SDK1: variants seen among roughly 807,000 people sequenced by gnomAD.
The protein encoded by SDK1 is sidekick cell adhesion molecule 1, also known as protein sidekick-1.
SDK1 carries 157 observed loss-of-function variants against 245.5 expected under a neutral mutation model. That is an observed-to-expected ratio of 0.64 (90% confidence interval 0.56 to 0.73). SDK1 has a LOEUF of 0.73. SDK1 is among the 30% of genes least tolerant of loss of function. SDK1 has a pLI of 0.00. For synonymous variants in SDK1, 1,647 were observed against 1,278.5 expected (o/e 1.29, Z -6.15); for missense variants, 3,583 against 3,002.3 (o/e 1.19, Z -4.52).
At chr7:3,715,082 G>A (rs182544224) in intron 4 of SDK1, among the ~76,000 whole-genome samples, 1 of 152,076 alleles carries the variant, frequency 6.6e-6, no homozygotes, top group African/African-American at 2.4e-5. Context: ...CTTAAAATCT[G>A]TTAAATGCTA....
intron 4 of SDK1, among the ~76,000 whole-genome samples, chr7:3,655,501 A>ATATG (rs1283673481): frequency 0.079 from 4,027 of 51,246 alleles, 186 homozygotes; most frequent in East Asian, 0.11. Flanking sequence ...ATATATATAT[A>ATATG]TATGTATGTA....
At chr7:3,777,286 A>T (rs1780595496) in intron 4 of SDK1, among the ~76,000 whole-genome samples, 1 of 152,196 alleles carries the variant, frequency 6.6e-6, no homozygotes, top group Non-Finnish European at 1.5e-5. Flanking sequence ...GCAGTGCACT[A>T]ATTTGCCCTT....
intron 1 of SDK1, among the ~76,000 whole-genome samples, chr7:3,555,600 G>T (rs1044375936): frequency 6.6e-6 from 1 of 152,110 alleles, no homozygotes. Context: ...AAAAGCTTCT[G>T]CACAGCAAAG....
chr7:3,381,981 T>A (rs934327430), intron 1 of SDK1, among the ~76,000 whole-genome samples: 1 of 152,206 alleles, frequency 6.6e-6, no homozygotes, highest in African/African-American at 2.4e-5. Context: ...AACTTAACCG[T>A]TCGTCTTAAA....
At chr7:3,526,025 G>A (rs769868061) in intron 1 of SDK1, among the ~76,000 whole-genome samples, 15 of 151,916 alleles carry the variant, frequency 9.9e-5, no homozygotes, top group Admixed American at 3.3e-4. Flanking sequence ...ACCTGAGGTC[G>A]GGAGTTTGAG....
chr7:3,780,243 A>T (rs1780691042), intron 4 of SDK1, among the ~76,000 whole-genome samples: 1 of 152,176 alleles, frequency 6.6e-6, no homozygotes, highest in African/African-American at 2.4e-5. Context: ...CCCTGGACCA[A>T]CAGTTTCTGC....
intron 17 of SDK1, among the ~76,000 whole-genome samples, chr7:4,043,107 G>A (rs542388863): frequency 0.012 from 1,120 of 92,762 alleles, 5 homozygotes; most frequent in Non-Finnish European, 0.016. Context: ...TAGAGTGAGT[G>A]TCACAGCCAG....
At chr7:4,103,074 C>A (rs553247108) in intron 22 of SDK1, among the ~76,000 whole-genome samples, 2 of 148,840 alleles carry the variant, frequency 1.3e-5, no homozygotes, top group African/African-American at 5.0e-5. Flanking sequence ...GATCTCGGCT[C>A]ACTGCAAGCT....
intron 1 of SDK1, among the ~76,000 whole-genome samples, chr7:3,372,107 C>G (rs1781242442): frequency 6.6e-6 from 1 of 152,158 alleles, no homozygotes; most frequent in Non-Finnish European, 1.5e-5. Context: ...TCCATTCACC[C>G]CTTAAAAAGC....
intron 1 of SDK1, among the ~76,000 whole-genome samples, chr7:3,498,821 C>T (rs1782104790): frequency 6.6e-6 from 1 of 151,702 alleles, no homozygotes; most frequent in Admixed American, 6.6e-5. Context: ...ATGAGTTCCA[C>T]ATGGTCATTT....
rs997140900 is a variant in SDK1, at chr7:3,774,804, T to C, written c.714-46646T>C. Among the ~76,000 whole-genome samples, 3 of 152,360 alleles carry C rather than the reference T, an allele frequency of 2.0e-5. No individual in the cohort carries two copies. The East Asian group carries it at 5.8e-4, about 29-fold the overall frequency. On this transcript the variant is annotated intron_variant, in intron 4 of 44. Transcript: ENST00000404826. Reference sequence around the variant, plus strand: ...GAATGTTACTCTTTGTCCAGCCTTATAAATTTTTGGTATTATTATCCAGAC... The same window carrying C: ...GAATGTTACTCTTTGTCCAGCCTTACAAATTTTTGGTATTATTATCCAGAC...
chr7:3,528,311 G>A (rs1451187417), intron 1 of SDK1, among the ~76,000 whole-genome samples: 1 of 149,240 alleles, frequency 6.7e-6, no homozygotes, highest in African/African-American at 2.5e-5. Flanking sequence ...TGAATGGTAG[G>A]AGGTAAGGTT....
At chr7:3,478,790 G>A (rs1384884415) in intron 1 of SDK1, among the ~76,000 whole-genome samples, 2 of 151,914 alleles carry the variant, frequency 1.3e-5, no homozygotes, top group Non-Finnish European at 2.9e-5. Context: ...TGCTTAGCTT[G>A]TTTATTTTCA....
intron 5 of SDK1, among the ~76,000 whole-genome samples, chr7:3,875,766 T>C (rs909874073): frequency 5.9e-5 from 9 of 152,078 alleles, no homozygotes; most frequent in African/African-American, 2.2e-4. Context: ...TGGTTATAGG[T>C]GGTGTTCTCT....
At chr7:3,861,103 C>T (rs1369094215) in intron 5 of SDK1, among the ~76,000 whole-genome samples, 1 of 152,048 alleles carries the variant, frequency 6.6e-6, no homozygotes, top group Admixed American at 6.5e-5. Flanking sequence ...CAGTCTACTG[C>T]TGTGAAAAAT....
chr7:3,332,183 T>C (rs1780084939), intron 1 of SDK1, among the ~76,000 whole-genome samples: 1 of 152,242 alleles, frequency 6.6e-6, no homozygotes, highest in African/African-American at 2.4e-5. Flanking sequence ...TTATTTTTGG[T>C]TATCCATGGA....
intron 5 of SDK1, among the ~76,000 whole-genome samples, chr7:3,845,986 A>T (rs535318017): frequency 3.3e-5 from 5 of 152,202 alleles, no homozygotes; most frequent in Non-Finnish European, 7.3e-5. Context: ...CGTATTCCCA[A>T]TTATTTGATG....
At chr7:3,772,780 C>A (rs1167067121) in intron 4 of SDK1, among the ~76,000 whole-genome samples, 6 of 152,170 alleles carry the variant, frequency 3.9e-5, no homozygotes, top group Non-Finnish European at 7.4e-5. Context: ...ACTCCCTCAA[C>A]TTTTGTTTAT....
intron 1 of SDK1, among the ~76,000 whole-genome samples, chr7:3,392,749 G>A (rs1286381881): frequency 2.0e-5 from 3 of 151,924 alleles, no homozygotes; most frequent in South Asian, 2.1e-4. Flanking sequence ...TTATTTTCAT[G>A]ATGTTTTCAA....
Sources: allele counts gnomAD v4.1 joint callset (sites outside exome capture counted in the v4.1 genomes callset), GRCh38; gene constraint gnomAD v4.1.1; transcripts MANE v1.5; gene names NCBI Gene and HGNC (gene_info 2026-07-23, HGNC 2026-07-21).